The following LPIN1 variants were observed in gnomAD, a reference collection of about 807,000 sequenced individuals.
LPIN1 encodes lipin 1.
LPIN1 carries 71 observed loss-of-function variants against 107.5 expected under a neutral mutation model. The observed-to-expected ratio is 0.66, with a 90% CI of 0.55 to 0.80. LPIN1 has a LOEUF of 0.80. Among genes scored for constraint, LPIN1 ranks in the 30% least tolerant of loss-of-function variants. The pLI, the probability that LPIN1 is intolerant of heterozygous loss-of-function variation, is 0.00. For missense variants in LPIN1, 1,043 were observed against 1,160.6 expected, an observed-to-expected ratio of 0.90 and a Z score of 1.47; for synonymous variants, 445 against 452.6, an observed-to-expected ratio of 0.98 and a Z score of 0.21.
At chr2:11,768,614 T>C (rs1671321486) in intron 3 of LPIN1, among the ~76,000 whole-genome samples, 1 of 152,226 alleles carries the variant, frequency 6.6e-6, no homozygotes, top group Admixed American at 6.5e-5. Context: ...CTATAGACCA[T>C]GTCCATTCAT....
At chr2:11,808,206 T>C (rs1289383355) in intron 17 of LPIN1, among the ~76,000 whole-genome samples, 1 of 152,158 alleles carries the variant, frequency 6.6e-6, no homozygotes, top group Non-Finnish European at 1.5e-5. Context: ...TGGGCCTGGC[T>C]TGTTGGCCTC....
At chr2:11,817,582 T>A (rs530419650) in intron 18 of LPIN1, 1 of 151,776 alleles carries the variant, frequency 6.6e-6, no homozygotes, top group African/African-American at 2.4e-5. Flanking sequence ...AGGGGTGCAG[T>A]TTAATTTTTT....
chr2:11,751,682 C>T (rs1667812485), intron 1 of LPIN1, among the ~76,000 whole-genome samples: 1 of 152,198 alleles, frequency 6.6e-6, no homozygotes, highest in South Asian at 2.1e-4. Flanking sequence ...GAAACCCCGT[C>T]TCTACTAAAA....
chr2:11,798,151 C>G (rs1257354283), intron 14 of LPIN1, among the ~76,000 whole-genome samples: 23 of 152,202 alleles, frequency 1.5e-4, no homozygotes, highest in Non-Finnish European at 3.2e-4. Flanking sequence ...TTGTAAGTTT[C>G]CTGAGGCCTC....
chr2:11,799,391 T>C (rs78367244), intron 14 of LPIN1, among the ~76,000 whole-genome samples: 1,625 of 151,258 alleles, frequency 0.011, 31 homozygotes, highest in African/African-American at 0.037. Flanking sequence ...AACTGTTTGG[T>C]TGGAACATAA....
chr2:11,792,785 G>C (rs1676001802), intron 13 of LPIN1, among the ~76,000 whole-genome samples: 1 of 152,186 alleles, frequency 6.6e-6, no homozygotes, highest in African/African-American at 2.4e-5. Flanking sequence ...TGGCGTTCAT[G>C]TCTATGAGTG....
chr2:11,771,054 G>C lies in LPIN1; in HGVS notation c.289-318G>C, dbSNP rs1159642202. Among the ~76,000 whole-genome samples, 1 of 152,108 alleles carries C rather than the reference G, an allele frequency of 6.6e-6. No homozygotes were observed. The highest frequency in any genetic ancestry group is 2.4e-5 in the African/African-American group (1 of 41,392). On this transcript the variant is annotated intron_variant, in intron 3 of 20. Transcript: ENST00000674199. The surrounding 1 kb of genome is among the most constrained non-coding windows in gnomAD (Gnocchi z 4.8). Reference sequence around the variant, plus strand: ...GAGTCAAAGCCCATTTTTTTCCTCTGTGCTCTGGGTATTACAGCCAAAGTT... The same window carrying C: ...GAGTCAAAGCCCATTTTTTTCCTCTCTGCTCTGGGTATTACAGCCAAAGTT...
At chr2:11,813,785 A>G (rs1048119024) in intron 17 of LPIN1, among the ~76,000 whole-genome samples, 38 of 152,034 alleles carry the variant, frequency 2.5e-4, no homozygotes, top group African/African-American at 9.2e-4. Flanking sequence ...GTGGTGGTGC[A>G]TGTCTGTAAT....
At chr2:11,700,890 C>T (rs538662858) in intron 1 of LPIN1, among the ~76,000 whole-genome samples, 1 of 152,332 alleles carries the variant, frequency 6.6e-6, no homozygotes, top group East Asian at 1.9e-4. Flanking sequence ...GGCTCCCAGA[C>T]AGCTCCTCTG....
At chr2:11,806,075 C>G (rs903214140) in intron 17 of LPIN1, among the ~76,000 whole-genome samples, 3 of 152,198 alleles carry the variant, frequency 2.0e-5, no homozygotes, top group Non-Finnish European at 2.9e-5. Flanking sequence ...ACAGTGCGGT[C>G]TCTCCGTGGG....
chr2:11,776,248 A>T, intron 6 of LPIN1, 55 bp downstream of exon 6: 1 of 1,119,402 alleles, frequency 8.9e-7, no homozygotes, highest in Admixed American at 2.1e-5. Flanking sequence ...AATTTGATCT[A>T]ACTCTTACTA....
At chr2:11,744,784 G>A (rs558180274), upstream of LPIN1, among the ~76,000 whole-genome samples, 1 of 152,226 alleles carries the variant, frequency 6.6e-6, no homozygotes, top group East Asian at 1.9e-4. Flanking sequence ...TTCCTTCTGG[G>A]GCCTTGCAAC....
At chr2:11,793,201 T>C (rs1676085228) in intron 13 of LPIN1, among the ~76,000 whole-genome samples, 1 of 152,170 alleles carries the variant, frequency 6.6e-6, no homozygotes, top group Admixed American at 6.5e-5. Context: ...CCACTGTCCA[T>C]CTGTGGGTGA....
At chr2:11,734,789 G>T (rs73917107) in intron 1 of LPIN1, among the ~76,000 whole-genome samples, 5,435 of 152,264 alleles carry the variant, frequency 0.036, 345 homozygotes, top group African/African-American at 0.12. Context: ...GACAGAGAAA[G>T]AATTTACAGT....
At position 11,765,199 on chromosome 2, in the gene LPIN1, T is replaced by C. The variant is rs917885899; in HGVS notation, c.-9-334T>C. 1.4e-5 allele frequency among the ~76,000 whole-genome samples: 2 copies of C among 142,762 alleles called. No homozygotes were observed. The highest frequency in any genetic ancestry group is 2.7e-5 in the African/African-American group (1 of 37,590). The allele number at this position is 142,762 out of a possible 152,430, so 93.7% of individuals were successfully genotyped here. The stretch of plus-strand genomic sequence containing the variant: ...GATGGACCCTGATGGGCTGTGATGG[T>C]CCGTGATGGGCCATGATGGACACTG... On this transcript the variant is annotated intron_variant, in intron 1 of 20. Coordinates refer to ENST00000674199, the MANE Select transcript of LPIN1 (RefSeq NM_001349206.2). The surrounding 1 kb of genome is among the most constrained non-coding windows in gnomAD (Gnocchi z 4.4).
At chr2:11,778,130 A>G (rs1178163810) in intron 6 of LPIN1, among the ~76,000 whole-genome samples, 1 of 109,768 alleles carries the variant, frequency 9.1e-6, no homozygotes, top group Non-Finnish European at 2.0e-5. Flanking sequence ...CCTTTCCCAC[A>G]TGGACGTGGG....
chr2:11,735,000 A>C (rs1035721877), intron 1 of LPIN1, among the ~76,000 whole-genome samples: 2 of 152,190 alleles, frequency 1.3e-5, no homozygotes, highest in Non-Finnish European at 2.9e-5. Context: ...GTTATTCAGA[A>C]AGTGTTCCTG....
chr2:11,685,514 CTT>C (rs1032621567), intron 1 of LPIN1, among the ~76,000 whole-genome samples: 1 of 152,174 alleles, frequency 6.6e-6, no homozygotes, highest in Non-Finnish European at 1.5e-5. Context: ...CGAATAAACT[CTT>C]TAGAATTTTA....
intron 7 of LPIN1, among the ~76,000 whole-genome samples, chr2:11,781,112 A>G (rs778738255): frequency 6.6e-6 from 1 of 152,230 alleles, no homozygotes; most frequent in South Asian, 2.1e-4. Flanking sequence ...TGTTTGTAAT[A>G]TGAATGAATG....
Sources: allele counts gnomAD v4.1 joint callset (sites outside exome capture counted in the v4.1 genomes callset), GRCh38; gene constraint gnomAD v4.1.1; non-coding constraint Gnocchi (gnomAD v3.1); transcripts MANE v1.5; gene names NCBI Gene and HGNC (gene_info 2026-07-23, HGNC 2026-07-21).